The following TRIM50 variants were observed in gnomAD, a reference collection of about 807,000 sequenced individuals.
TRIM50 encodes the protein tripartite motif containing 50, also known as E3 ubiquitin-protein ligase TRIM50.
In TRIM50, 34 loss-of-function variants were observed where a neutral mutation model predicts 44.9. The ratio of observed to expected loss-of-function variants is 0.76; its 90% CI spans 0.58 to 1.01. The LOEUF (loss-of-function observed/expected upper bound fraction) is 1.01. TRIM50 is among the 50% of genes least tolerant of loss of function. TRIM50 has a pLI of 0.00. For synonymous variants in TRIM50, 307 were observed against 291.1 expected (o/e 1.05, Z -0.56); for missense variants, 633 against 663.7 (o/e 0.95, Z 0.51).
intron 1 of TRIM50, among the ~76,000 whole-genome samples, chr7:73,325,268 C>T (rs1487477518): frequency 6.6e-6 from 1 of 152,134 alleles, no homozygotes; most frequent in South Asian, 2.1e-4. Flanking sequence ...TAGAGGCCCA[C>T]CTTCAAAGGA....
chr7:73,326,218 T>C (rs781783939), intron 1 of TRIM50, among the ~76,000 whole-genome samples: 37 of 152,074 alleles, frequency 2.4e-4, no homozygotes, highest in Non-Finnish European at 5.4e-4. Context: ...TTTTTTCTAA[T>C]ACAAACTGGC....
At chr7:73,326,065 A>C (rs545761056) in intron 1 of TRIM50, among the ~76,000 whole-genome samples, 1 of 151,846 alleles carries the variant, frequency 6.6e-6, no homozygotes, top group Non-Finnish European at 1.5e-5. Flanking sequence ...TATTTAAAAA[A>C]TTTTTTTAGA....
Position 73,313,308 on chromosome 7 carries a change from G to A in TRIM50, c.1077C>T (p.Ser359=), listed in dbSNP as rs1554543463. 1.2e-6 allele frequency: 2 copies of A among 1,605,552 alleles called. No individual in the cohort carries two copies. Among genetic ancestry groups the A allele is most frequent in the East Asian group, 2.2e-5 (1 of 44,522 alleles). ...HYWEVVVGSK[S]DWRLGVIKGT... ...CCTTGATGACCCCCAGGCGCCAGTCGCTCTTGCTGCCCACCACCACCTCCC... is the reference window on the plus strand; with the variant it reads ...CCTTGATGACCCCCAGGCGCCAGTCACTCTTGCTGCCCACCACCACCTCCC... Residue 359 remains serine (S), a synonymous_variant, in exon 7 of 7, where the codon AGC becomes AGT. Transcript: ENST00000333149. This position sits in a 1 kb window ranked among gnomAD's most constrained non-coding sequence, Gnocchi z 4.9.
At chr7:73,325,912 GCT>G (rs1804614046) in intron 1 of TRIM50, among the ~76,000 whole-genome samples, 1 of 152,174 alleles carries the variant, frequency 6.6e-6, no homozygotes, top group Non-Finnish European at 1.5e-5. Context: ...GGGAAAGACA[GCT>G]TGTTGCTCTG....
rs782254770 is a variant in TRIM50 at position 73,316,656 on chromosome 7, G to A, written c.783C>T (p.Gly261=). 3.1e-6 allele frequency: 5 copies of A among 1,614,046 alleles called. No individual in the cohort carries two copies. Among genetic ancestry groups the A allele is most frequent in the South Asian group, 2.2e-5 (2 of 91,088 alleles). The part of the protein sequence containing the change: ...AEMPQARPLE[G]AFSPISFKPG... Reference sequence around the variant, plus strand: ...GCTTGAAGGAGATGGGGCTGAATGCGCCTTCTAAGGGCCGGGCCTGCGGCA... The same window carrying A: ...GCTTGAAGGAGATGGGGCTGAATGCACCTTCTAAGGGCCGGGCCTGCGGCA... Residue 261 remains glycine, a synonymous_variant, in exon 6 of 7, where the codon GGC becomes GGT. Transcript: ENST00000333149.
chr7:73,320,014 C>G (rs1208290051), intron 3 of TRIM50, 133 bp downstream of exon 3: 5 of 1,488,586 alleles, frequency 3.4e-6, no homozygotes, highest in East Asian at 2.3e-5. Context: ...TTCCCCACCC[C>G]GCCCTGGGAA....
chr7:73,316,702 G>GTTCA lies in TRIM50; in HGVS notation c.750-17_750-14dup. The GTTCA allele has an allele frequency of 1.2e-6, 2 of 1,613,256 alleles. No individual in the cohort carries two copies. On this transcript the variant is annotated splice_polypyrimidine_tract_variant and intron_variant, in intron 5 of 6. Transcript: ENST00000333149. The stretch of plus-strand genomic sequence containing the variant: ...CGGCATCTCTGCTCTGCAGGTGACA[G>GTTCA]TTCACAGTACAAGAGAGTGAGGTAT...
chr7:73,313,384 T>C lies in TRIM50; in HGVS notation c.1001A>G (p.Tyr334Cys). 1 of 1,590,404 alleles carries C rather than the reference T, an allele frequency of 6.3e-7. No homozygotes were observed. The highest frequency in any genetic ancestry group is 8.5e-7 in the Non-Finnish European group (1 of 1,170,568). Residue 334 changes from tyrosine to cysteine, a missense_variant, in exon 7 of 7, where the codon TAC becomes TGC. Tyr to Cys is a radical substitution (Grantham distance 194, BLOSUM62 -2). Coordinates refer to ENST00000333149, the MANE Select transcript of TRIM50 (RefSeq NM_178125.3). The surrounding 1 kb of genome is among the most constrained non-coding windows in gnomAD (Gnocchi z 4.9). ...RRASQPERFD[Y>C]STCVLASRGF... ...GCGGCTGGCCAGGACGCAGGTGCTG[T>C]AGTCGAAGCGCTCAGGCTGGCTGGC...
chr7:73,313,230 CCA>C lies in TRIM50; in HGVS notation c.1153_1154del (p.Trp385AlafsTer36). 1 of 1,594,608 alleles carries C rather than the reference CCA, an allele frequency of 6.3e-7. No homozygotes were observed. The highest frequency in any genetic ancestry group is 8.5e-7 in the Non-Finnish European group (1 of 1,171,028). ...KLNRSPEHGV[W>X]LIGLKEGRVY... is the part of the protein sequence containing the mutation. ...CCCGGCCCTCCTTCAGGCCGATCAG[CCA>C]CACGCCGTGCTCGGGGGACCTGTTC... On this transcript the variant is annotated frameshift_variant, in exon 7 of 7. Coordinates refer to ENST00000333149, the MANE Select transcript of TRIM50 (RefSeq NM_178125.3). LOFTEE classifies it high-confidence loss of function. The surrounding 1 kb of genome is among the most constrained non-coding windows in gnomAD (Gnocchi z 4.9).
rs1301063623 is a variant in TRIM50 at position 73,313,665 on chromosome 7, G to A, written c.875-155C>T. On this transcript the variant is annotated intron_variant, in intron 6 of 6. Coordinates refer to ENST00000333149, the MANE Select transcript of TRIM50 (RefSeq NM_178125.3). The surrounding 1 kb of genome is among the most constrained non-coding windows in gnomAD (Gnocchi z 4.9). ...GTCTAGAAGGGGCCAGTACAGGGCT[G>A]CTCCCTGAATGAATGAATGAATGAA... 1.6e-4 allele frequency among the ~76,000 whole-genome samples: 22 copies of A among 138,288 alleles called. No homozygotes were observed. The highest frequency in any genetic ancestry group is 2.7e-4 in the Non-Finnish European group (17 of 63,244). 90.7% of individuals were successfully genotyped at this position (138,288 alleles called of 152,430 possible). A position where few individuals can be genotyped will look rare whatever the true frequency, so the allele number is the denominator to read the frequency against.
At chr7:73,318,197 C>T (rs781474360) in intron 5 of TRIM50, among the ~76,000 whole-genome samples, 1 of 152,156 alleles carries the variant, frequency 6.6e-6, no homozygotes, top group South Asian at 2.1e-4. Flanking sequence ...AGCATGGTCA[C>T]GACTCACTGC....
Position 73,313,339 on chromosome 7 carries a change from T to G in TRIM50, c.1046A>C (p.His349Pro). The change falls in exon 7 of 7, where the codon CAC (histidine) becomes CCC (proline). Residue 349 changes from histidine to proline, a missense_variant. Coordinates refer to ENST00000333149, the MANE Select transcript of TRIM50 (RefSeq NM_178125.3). This position sits in a 1 kb window ranked among gnomAD's most constrained non-coding sequence, Gnocchi z 4.9. ...LASRGFSCGR[H>P]YWEVVVGSKS... is the part of the protein sequence containing the mutation. The stretch of plus-strand genomic sequence containing the variant: ...GCTGCCCACCACCACCTCCCAGTAG[T>G]GGCGGCCGCAGGAGAAGCCGCGGCT... 1 of 1,604,570 alleles carries G rather than the reference T, an allele frequency of 6.2e-7. No individual in the cohort carries two copies. Among genetic ancestry groups the G allele is most frequent in the Non-Finnish European group, 8.5e-7 (1 of 1,176,518 alleles).
chr7:73,327,080 C>G (rs60799075), intron 1 of TRIM50, among the ~76,000 whole-genome samples: 1 of 152,088 alleles, frequency 6.6e-6, no homozygotes, highest in African/African-American at 2.4e-5. Flanking sequence ...TGTGAGCCAC[C>G]GCGCCTGTCC....
chr7:73,316,123 C>T (rs782773217), intron 6 of TRIM50, among the ~76,000 whole-genome samples: 13 of 152,064 alleles, frequency 8.5e-5, no homozygotes, highest in Non-Finnish European at 1.8e-4. Context: ...TCAGAAGATC[C>T]GCCCTCCTCA....
rs182956504 is a variant in TRIM50 at position 73,326,071 on chromosome 7, T to G, written c.-18-1266A>C. Among the ~76,000 whole-genome samples, 557 of 152,220 alleles carry G rather than the reference T, an allele frequency of 3.7e-3. 6 individuals carry two copies. Among genetic ancestry groups the G allele is most frequent in the South Asian group, 0.011 (54 of 4,818 alleles). On this transcript the variant is annotated intron_variant, in intron 1 of 6. Transcript: ENST00000333149. ...CCAAGCTAATATTTAAAAAATTTTT[T>G]TAGATACCGGGTCTTGCTTTGTTGC...
At position 73,313,228 on chromosome 7, in the gene TRIM50, A is replaced by G; in HGVS notation, c.1157T>C (p.Leu386Pro). 1.3e-6 allele frequency: 2 copies of G among 1,594,662 alleles called. No homozygotes were observed. Among genetic ancestry groups the G allele is most frequent in the African/African-American group, 1.3e-5 (1 of 74,802 alleles). Residue 386 changes from leucine to proline, a missense_variant, in exon 7 of 7, where the codon CTG becomes CCG. Transcript: ENST00000333149. The surrounding 1 kb of genome is among the most constrained non-coding windows in gnomAD (Gnocchi z 4.9). ...CACCCGGCCCTCCTTCAGGCCGATC[A>G]GCCACACGCCGTGCTCGGGGGACCT... ...LNRSPEHGVW[L>P]IGLKEGRVYE...
In TRIM50 at chr7:73,324,683, G is replaced by C; in HGVS notation, c.105C>G (p.Tyr35Ter). Residue 35 changes from tyrosine to a stop codon, truncating the protein, a stop_gained, in exon 2 of 7, where the codon TAC (tyrosine) becomes TAG (stop). Transcript: ENST00000333149. LOFTEE classifies it high-confidence loss of function. ...ACAGGGAAACCAGGCAGCCCTTGCA[G>C]TAAGAGTGGCCACACTGCAGCATCA... Reference protein sequence around the residue: ...EPLMLQCGHSYCKGCLVSLSC... With the variant: ...EPLMLQCGHS The C allele has an allele frequency of 6.2e-7, 1 of 1,614,242 alleles. No homozygotes were observed. Among genetic ancestry groups the C allele is most frequent in the Non-Finnish European group, 8.5e-7 (1 of 1,180,038 alleles).
Position 73,313,325 on chromosome 7 carries a change from C to A in TRIM50, c.1060G>T (p.Val354Leu), listed in dbSNP as rs1804276270. Reference protein sequence around the residue: ...FSCGRHYWEVVVGSKSDWRLG... With the variant: ...FSCGRHYWEVLVGSKSDWRLG... ...CGCCAGTCGCTCTTGCTGCCCACCACCACCTCCCAGTAGTGGCGGCCGCAG... is the reference window on the plus strand; with the variant it reads ...CGCCAGTCGCTCTTGCTGCCCACCAACACCTCCCAGTAGTGGCGGCCGCAG... The change falls in exon 7 of 7, where the codon GTG becomes TTG. Residue 354 changes from valine (V) to leucine (L), a missense_variant. Transcript: ENST00000333149. The surrounding 1 kb of genome is among the most constrained non-coding windows in gnomAD (Gnocchi z 4.9). The A allele has an allele frequency of 6.2e-7, 1 of 1,606,246 alleles. No individual in the cohort carries two copies. Among genetic ancestry groups the A allele is most frequent in the South Asian group, 1.1e-5 (1 of 89,634 alleles).
chr7:73,318,723 G>C lies in TRIM50; in HGVS notation c.727-14C>G. Reference sequence around the variant, plus strand: ...GGAGTGGAACTTCTGGAAGGCAAGAGAGAGGGAGGTTAAGGCTAGAAGGTG... The same window carrying C: ...GGAGTGGAACTTCTGGAAGGCAAGACAGAGGGAGGTTAAGGCTAGAAGGTG... On this transcript the variant is annotated splice_polypyrimidine_tract_variant and intron_variant, in intron 4 of 6. Transcript: ENST00000333149. The C allele has an allele frequency of 6.2e-7, 1 of 1,614,014 alleles. No individual in the cohort carries two copies. The highest frequency in any genetic ancestry group is 1.1e-5 in the South Asian group (1 of 91,078).
Sources: gnomAD v4.1 joint callset for allele counts (sites outside exome capture counted in the v4.1 genomes callset) on GRCh38, gnomAD v4.1.1 for gene constraint, Gnocchi (gnomAD v3.1) non-coding constraint, MANE v1.5 for transcripts, NCBI Gene and HGNC (gene_info 2026-07-23, HGNC 2026-07-21) for gene names.